FARSA: variants seen among roughly 807,000 people sequenced by gnomAD.
The protein encoded by FARSA is phenylalanine--tRNA ligase alpha subunit.
A neutral mutation model predicts 63.2 loss-of-function variants in FARSA; 37 were observed. That is an observed-to-expected ratio of 0.59 (90% confidence interval 0.45 to 0.77). The LOEUF is 0.77. FARSA is among the 30% of genes least tolerant of loss of function. The probability of loss-of-function intolerance (pLI) is 0.00; values close to 1 mark genes in which losing one functional copy is unlikely to be tolerated. For missense variants in FARSA, 618 were observed against 696.6 expected (o/e 0.89, Z 1.27); for synonymous variants, 312 against 285.1 (o/e 1.09, Z -0.95).
rs1230635075 is a variant in FARSA, at chr19:12,924,691, A to T, written c.1143T>A (p.Gly381=). The T allele has an allele frequency of 6.3e-7, 1 of 1,591,696 alleles. No individual in the cohort carries two copies. The highest frequency in any genetic ancestry group is 8.6e-7 in the Non-Finnish European group (1 of 1,166,142). The change falls in exon 10 of 13, where the codon GGT becomes GGA. Residue 381 remains glycine (G), a synonymous_variant. Coordinates refer to ENST00000314606, the MANE Select transcript of FARSA (RefSeq NM_004461.3). The surrounding 1 kb of genome is among the most constrained non-coding windows in gnomAD (Gnocchi z 6.4). ...CGCCCATGAGGTGGCCCAAGGTGAG[A>T]CCATGATCCGCCACCACGCCCTCGA... ...HQIEGVVADH[G]LTLGHLMGVL...
chr19:12,927,896 C>CCTGT, intron 7 of FARSA, among the ~76,000 whole-genome samples: 1 of 151,380 alleles, frequency 6.6e-6, no homozygotes, highest in East Asian at 1.9e-4. Context: ...GTGGTATGCA[C>CCTGT]CTGTAATCCC....
At chr19:12,927,049 G>T (rs774448704) in intron 7 of FARSA, among the ~76,000 whole-genome samples, 1 of 152,192 alleles carries the variant, frequency 6.6e-6, no homozygotes, top group South Asian at 2.1e-4. Context: ...CCCCATTGTG[G>T]GAAGTCATTC....
chr19:12,925,113 A>G lies in FARSA; in HGVS notation c.903T>C (p.Ser301=). ...ACCCCTGTGAGCCGTAGCCGCCCTG[A>G]GAGTGGGTCCGCTTGACCCGCTGGA... is the stretch of plus-strand genomic sequence containing the variant. ...DYVQRVKRTH[S]QGGYGSQGYK... The change falls in exon 8 of 13, where the codon TCT becomes TCC. Residue 301 remains serine (S), a synonymous_variant. Transcript: ENST00000314606. 6.2e-7 allele frequency: 1 copy of G among 1,611,226 alleles called. No individual in the cohort carries two copies. The highest frequency in any genetic ancestry group is 1.1e-5 in the South Asian group (1 of 90,702).
chr19:12,927,729 C>CAAAAAAAAA (rs71168636), intron 7 of FARSA, among the ~76,000 whole-genome samples: 1 of 30,642 alleles, frequency 3.3e-5, no homozygotes, highest in African/African-American at 1.6e-4. Flanking sequence ...GAGACTGTCT[C>CAAAAAAAAA]AAAAAAAAAA....
intron 12 of FARSA, among the ~76,000 whole-genome samples, chr19:12,923,493 G>C (rs532017848): frequency 4.6e-5 from 7 of 152,108 alleles, no homozygotes; most frequent in African/African-American, 1.7e-4. Context: ...GTAGAGACGG[G>C]AGACAGAGTC....
chr19:12,932,980 T>C (rs1177653965), intron 1 of FARSA: 1 of 153,034 alleles, frequency 6.5e-6, no homozygotes, highest in Non-Finnish European at 1.5e-5. Context: ...GTGATGTGGA[T>C]AGCACACTCA....
At chr19:12,928,307 C>T in intron 7 of FARSA, 35 bp downstream of exon 7, 1 of 1,571,214 alleles carries the variant, frequency 6.4e-7, no homozygotes, top group Non-Finnish European at 8.7e-7. Flanking sequence ...CCTGGTGTCT[C>T]TCATGTCTCA....
chr19:12,924,357 G>T lies in FARSA; in HGVS notation c.1273+92C>A. On this transcript the variant is annotated intron_variant, in intron 11 of 12. Coordinates refer to ENST00000314606, the MANE Select transcript of FARSA (RefSeq NM_004461.3). The surrounding 1 kb of genome is among the most constrained non-coding windows in gnomAD (Gnocchi z 6.4). ...CTGGGTCTAGGTGGTGAGCTTGGGA[G>T]GTGGGGTACAGGCATGGCAATGGGG... The T allele has an allele frequency of 6.5e-7, 1 of 1,532,614 alleles. No individual in the cohort carries two copies. Among genetic ancestry groups the T allele is most frequent in the Non-Finnish European group, 9.0e-7 (1 of 1,110,292 alleles). The allele number at this position is 1,532,614 out of a possible 1,614,324, so 94.9% of individuals were successfully genotyped here.
intron 1 of FARSA, 189 bp downstream of exon 1, chr19:12,933,361 A>G: frequency 1.6e-6 from 1 of 635,370 alleles, no homozygotes; most frequent in Non-Finnish European, 2.6e-6. Flanking sequence ...ATAAACGTTT[A>G]TTGCATGAGG....
In FARSA at chr19:12,928,373, G is replaced by A. The variant is rs1164396033; in HGVS notation, c.810C>T (p.Ala270=). Residue 270 remains alanine, a synonymous_variant, in exon 7 of 13, where the codon GCC becomes GCT. Coordinates refer to ENST00000314606, the MANE Select transcript of FARSA (RefSeq NM_004461.3). ...GGAAGAAGGTGTCGTGCTGGTCACG[G>A]GCTGGGTGCTGCTGGGGCTGGAAGA... is the stretch of plus-strand genomic sequence containing the variant. ...DALFQPQQHP[A]RDQHDTFFLR... is the part of the protein sequence containing the mutation. 6.2e-7 allele frequency: 1 copy of A among 1,614,116 alleles called. No homozygotes were observed. Among genetic ancestry groups the A allele is most frequent in the East Asian group, 2.2e-5 (1 of 44,878 alleles).
At chr19:12,928,927 C>T in intron 4 of FARSA, 80 bp from the exon 5 acceptor site, 1 of 1,202,386 alleles carries the variant, frequency 8.3e-7, no homozygotes, top group South Asian at 1.2e-5. Flanking sequence ...GATGAGGATC[C>T]CCATGCTACC....
Position 12,922,639 on chromosome 19 carries a change from G to A in FARSA, c.*109C>T. 3 of 1,383,032 alleles carry A rather than the reference G, an allele frequency of 2.2e-6. No homozygotes were observed. In the East Asian group the frequency reaches 6.9e-5, roughly 32 times the overall value. 85.7% of individuals were successfully genotyped at this position (1,383,032 alleles called of 1,614,324 possible). A position where few individuals can be genotyped will look rare whatever the true frequency, so the allele number is the denominator to read the frequency against. ...TGGGACAGGTGGGAAAGAGGAAGGT[G>A]GGGGCTGGCCTCACAGAGGCCTCAT... On this transcript the variant is annotated 3_prime_UTR_variant, in exon 13 of 13. Transcript: ENST00000314606.
chr19:12,932,437 A>G lies in FARSA; in HGVS notation c.147+1113T>C, dbSNP rs747412924. Among the ~76,000 whole-genome samples the G allele has an allele frequency of 3.8e-4, 58 of 152,062 alleles. 1 individual carries two copies. Among genetic ancestry groups the G allele is most frequent in the Non-Finnish European group, 1.6e-4 (11 of 68,010 alleles). On this transcript the variant is annotated intron_variant, in intron 1 of 12. Coordinates refer to ENST00000314606, the MANE Select transcript of FARSA (RefSeq NM_004461.3). The stretch of plus-strand genomic sequence containing the variant: ...GTGACGTATACAAATGTCAGATCAT[A>G]TTGGTCAAGGCACTGTCACCCCACA...
chr19:12,925,068 T>C, intron 8 of FARSA, 22 bp downstream of exon 8: 2 of 1,612,320 alleles, frequency 1.2e-6, no homozygotes, highest in Non-Finnish European at 1.7e-6. Flanking sequence ...TTCCCTTCCA[T>C]ACCAGGTAAG....
Position 12,928,335 on chromosome 19 carries a change from G to T in FARSA, c.841+7C>A. On this transcript the variant is annotated splice_region_variant and intron_variant, in intron 7 of 12. Transcript: ENST00000314606. ...ATGTCTCAGGGAGGCCCTAGGGGCT[G>T]ACCCACCTCGAAGGAAGAAGGTGTC... The T allele has an allele frequency of 1.2e-6, 2 of 1,612,544 alleles. No homozygotes were observed. Among genetic ancestry groups the T allele is most frequent in the South Asian group, 2.2e-5 (2 of 90,984 alleles).
In FARSA at chr19:12,928,841, C is replaced by G; in HGVS notation, c.510G>C (p.Leu170=). Residue 170 remains leucine (L), a synonymous_variant, in exon 5 of 13, where the codon CTG becomes CTC. Transcript: ENST00000314606. ...RKRKLLAEVT[L]KTYWVSKGSA... Reference sequence around the variant, plus strand: ...TGCCTTTGCTCACCCAGTAGGTCTTCAGAGTCCTGTGGCCAGGGGAAGGAA... The same window carrying G: ...TGCCTTTGCTCACCCAGTAGGTCTTGAGAGTCCTGTGGCCAGGGGAAGGAA... The G allele has an allele frequency of 6.2e-7, 1 of 1,614,136 alleles. No homozygotes were observed. Among genetic ancestry groups the G allele is most frequent in the Non-Finnish European group, 8.5e-7 (1 of 1,180,010 alleles).
intron 7 of FARSA, among the ~76,000 whole-genome samples, chr19:12,927,468 C>G (rs755688522): frequency 6.6e-6 from 1 of 152,122 alleles, no homozygotes. Flanking sequence ...GCGTGGTGCT[C>G]ACGCCTGTAA....
chr19:12,923,011 C>T (rs889298464), intron 12 of FARSA, 125 bp from the exon 13 acceptor site: 41 of 1,258,420 alleles, frequency 3.3e-5, no homozygotes, highest in Non-Finnish European at 4.3e-5. Context: ...CAGGGCCCTG[C>T]GCCAACTGCT....
rs960652476 is a variant in FARSA at position 12,924,126 on chromosome 19, C to A, written c.1388+25G>T. ...AGAGTTATTTGAGGCAGCTGGACAC[C>A]CCGAGTTTCCACTTGGGCACTTACC... On this transcript the variant is annotated intron_variant, in intron 12 of 12. Transcript: ENST00000314606. This position sits in a 1 kb window ranked among gnomAD's most constrained non-coding sequence, Gnocchi z 6.4. 3.8e-6 allele frequency: 6 copies of A among 1,585,774 alleles called. No individual in the cohort carries two copies. In the East Asian group the frequency reaches 1.3e-4, roughly 35 times the overall value.
Sources: gnomAD v4.1 joint callset for allele counts (sites outside exome capture counted in the v4.1 genomes callset) on GRCh38, gnomAD v4.1.1 for gene constraint, Gnocchi (gnomAD v3.1) non-coding constraint, MANE v1.5 for transcripts, NCBI Gene and HGNC (gene_info 2026-07-23, HGNC 2026-07-21) for gene names.